RANBP17: variants seen among roughly 807,000 people sequenced by gnomAD.
The protein encoded by RANBP17 is ran-binding protein 17.
Under a neutral mutation model 141.2 loss-of-function variants are expected in RANBP17, and 158 were observed. The ratio of observed to expected loss-of-function variants is 1.12; its 90% confidence interval spans 0.98 to 1.28. The LOEUF (loss-of-function observed/expected upper bound fraction) is 1.28. Among genes scored for constraint, RANBP17 ranks in the 50% most tolerant of loss-of-function variants. The pLI, the probability that RANBP17 is intolerant of heterozygous loss-of-function variation, is 0.00. For synonymous variants in RANBP17, 430 were observed against 450.0 expected, an observed-to-expected ratio of 0.96 and a Z score of 0.56; for missense variants, 1,438 against 1,290.7, an observed-to-expected ratio of 1.11 and a Z score of -1.75.
At chr5:170,987,871 C>T (rs1778252107) in intron 14 of RANBP17, among the ~76,000 whole-genome samples, 1 of 150,860 alleles carries the variant, frequency 6.6e-6, no homozygotes, top group Admixed American at 6.6e-5. Context: ...TAGAGAAATA[C>T]AGGAAGTAAA....
rs1768065979 is a variant in RANBP17 at position 170,875,036 on chromosome 5, C to G, written c.19-3061C>G. On this transcript the variant is annotated intron_variant, in intron 1 of 27. Coordinates refer to ENST00000523189, the MANE Select transcript of RANBP17 (RefSeq NM_022897.5). ...AAGGCAGGCCTGGTGGTGACAAATT[C>G]CCTCAGCATTTGCTTGTCTGAAATG... Among the ~76,000 whole-genome samples the G allele has an allele frequency of 4.6e-5, 7 of 152,142 alleles. 1 individual carries two copies. The South Asian group carries it at 1.2e-3, about 27-fold the overall frequency.
At chr5:170,971,800 C>A (rs958931073) in intron 14 of RANBP17, among the ~76,000 whole-genome samples, 1 of 152,080 alleles carries the variant, frequency 6.6e-6, no homozygotes, top group Non-Finnish European at 1.5e-5. Flanking sequence ...TATGGAATTT[C>A]AAAAGTATTC....
intron 24 of RANBP17, among the ~76,000 whole-genome samples, chr5:171,249,295 G>A (rs1765411324): frequency 6.6e-6 from 1 of 152,076 alleles, no homozygotes; most frequent in Non-Finnish European, 1.5e-5. Flanking sequence ...CCCTATGAAA[G>A]TAAATTCAAA....
At chr5:171,108,640 G>A (rs1202849647) in intron 14 of RANBP17, among the ~76,000 whole-genome samples, 1 of 152,020 alleles carries the variant, frequency 6.6e-6, no homozygotes, top group Non-Finnish European at 1.5e-5. Flanking sequence ...TCAAACTCCT[G>A]AACTCAAGTG....
intron 27 of RANBP17, 82 bp downstream of exon 27, chr5:171,296,096 G>C: frequency 7.3e-7 from 1 of 1,378,550 alleles, no homozygotes; most frequent in South Asian, 1.3e-5. Context: ...GCTTGACACA[G>C]CTCACACATG....
At chr5:171,040,326 C>G (rs1213693217) in intron 14 of RANBP17, among the ~76,000 whole-genome samples, 1 of 152,116 alleles carries the variant, frequency 6.6e-6, no homozygotes, top group Admixed American at 6.6e-5. Context: ...TAAGATATGA[C>G]AGAAAGTCTC....
At chr5:171,075,989 G>A (rs576956300) in intron 14 of RANBP17, among the ~76,000 whole-genome samples, 34 of 152,100 alleles carry the variant, frequency 2.2e-4, no homozygotes, top group African/African-American at 7.5e-4. Flanking sequence ...TTTAAATGGG[G>A]ACTTATATGG....
intron 14 of RANBP17, among the ~76,000 whole-genome samples, chr5:171,053,516 G>T (rs1050403535): frequency 2.6e-5 from 4 of 151,846 alleles, no homozygotes; most frequent in African/African-American, 9.7e-5. Context: ...TTTCCTTTTG[G>T]ATTGTTGATT....
intron 12 of RANBP17, among the ~76,000 whole-genome samples, chr5:170,944,156 A>G (rs888499252): frequency 1.3e-5 from 2 of 152,204 alleles, no homozygotes; most frequent in African/African-American, 4.8e-5. Flanking sequence ...CTTAACATTT[A>G]CTGTTTTGAA....
intron 14 of RANBP17, among the ~76,000 whole-genome samples, chr5:171,056,070 C>G (rs1783349948): frequency 6.6e-6 from 1 of 152,000 alleles, no homozygotes; most frequent in East Asian, 1.9e-4. Context: ...TTGTAAATAG[C>G]TCAAAAGAAA....
At chr5:171,296,853 C>T (rs191483431) in intron 27 of RANBP17, among the ~76,000 whole-genome samples, 1 of 152,320 alleles carries the variant, frequency 6.6e-6, no homozygotes, top group African/African-American at 2.4e-5. Flanking sequence ...GCAGAAATTG[C>T]AGTGAGCTGA....
At chr5:170,918,882 G>GT in intron 10 of RANBP17, 23 bp downstream of exon 10, 3 of 1,498,272 alleles carry the variant, frequency 2.0e-6, no homozygotes, top group Non-Finnish European at 2.7e-6. Flanking sequence ...ATGTAATTAT[G>GT]TTAAACTGTA....
chr5:171,111,728 C>T (rs971853582), intron 14 of RANBP17, among the ~76,000 whole-genome samples: 4 of 152,202 alleles, frequency 2.6e-5, no homozygotes, highest in Non-Finnish European at 4.4e-5. Context: ...CTCTGGAATG[C>T]TCTCTAACTT....
rs1448052847 is a variant in RANBP17, at chr5:170,916,536, C to A, written c.906C>A (p.Tyr302Ter). ...TTAACAGTCCTGAACGTGCCAAGTA[C>A]CTTGGTAATTTAATTAAGGGAGTAA... ...SLFNSPERAK[Y>*]LGNLIKGVKR... Residue 302 changes from tyrosine to a stop codon, truncating the protein, a stop_gained, in exon 9 of 28, where the codon TAC (tyrosine) becomes TAA (stop). Transcript: ENST00000523189. LOFTEE classifies it high-confidence loss of function. The A allele has an allele frequency of 6.3e-7, 1 of 1,579,360 alleles. No individual in the cohort carries two copies. Among genetic ancestry groups the A allele is most frequent in the Admixed American group, 1.7e-5 (1 of 57,644 alleles).
rs34991479 is a variant in RANBP17 at position 171,120,037 on chromosome 5, CA to C, written c.1711-50073del. Among the ~76,000 whole-genome samples the C allele has an allele frequency of 8.9e-3, 897 of 101,062 alleles. 12 individuals are homozygous for C. Among genetic ancestry groups the C allele is most frequent in the African/African-American group, 0.035 (792 of 22,944 alleles). The allele number at this position is 101,062 out of a possible 152,430, so 66.3% of individuals were successfully genotyped here. A position where few individuals can be genotyped will look rare whatever the true frequency, so the allele number is the denominator to read the frequency against. On this transcript the variant is annotated intron_variant, in intron 14 of 27. Coordinates refer to ENST00000523189, the MANE Select transcript of RANBP17 (RefSeq NM_022897.5). Reference sequence around the variant, plus strand: ...GGGCAACAAGAGCGAAACTTAGTCTCAAAAAAAAAAAAAAAAAAAATGAGAG... The same window carrying C: ...GGGCAACAAGAGCGAAACTTAGTCTCAAAAAAAAAAAAAAAAAAATGAGAG...
At chr5:170,878,318 G>A (rs951383790) in intron 2 of RANBP17, 75 bp downstream of exon 2, 16 of 1,263,404 alleles carry the variant, frequency 1.3e-5, no homozygotes, top group Non-Finnish European at 1.6e-5. Context: ...TCGTGTGTTA[G>A]CAATGGTAAC....
At chr5:171,226,685 C>T (rs1763902876) in intron 22 of RANBP17, among the ~76,000 whole-genome samples, 1 of 152,116 alleles carries the variant, frequency 6.6e-6, no homozygotes, top group Non-Finnish European at 1.5e-5. Context: ...GGAAAGAGGA[C>T]CACTTTGCCA....
intron 1 of RANBP17, among the ~76,000 whole-genome samples, chr5:170,875,734 A>G (rs1768124854): frequency 6.6e-6 from 1 of 151,970 alleles, no homozygotes; most frequent in Non-Finnish European, 1.5e-5. Flanking sequence ...TGAGCTTCTG[A>G]AGCCTACTTC....
chr5:171,024,635 G>C (rs905823247), intron 14 of RANBP17, among the ~76,000 whole-genome samples: 4 of 151,974 alleles, frequency 2.6e-5, no homozygotes, highest in Non-Finnish European at 5.9e-5. Context: ...TCTAGAAATC[G>C]TTTCTTCTTT....
Sources: gnomAD v4.1 joint callset for allele counts (sites outside exome capture counted in the v4.1 genomes callset) on GRCh38, gnomAD v4.1.1 for gene constraint, MANE v1.5 for transcripts, NCBI Gene and HGNC (gene_info 2026-07-23, HGNC 2026-07-21) for gene names.